Variants in CD99L2 observed in about 807,000 individuals in gnomAD.
CD99L2 encodes the protein CD99 antigen-like protein 2.
CD99L2 carries 24 observed loss-of-function variants against 27.3 expected under a neutral mutation model. The ratio of observed to expected loss-of-function variants is 0.88; its 90% CI spans 0.64 to 1.24. The LOEUF (loss-of-function observed/expected upper bound fraction) is 1.24. Among genes scored for constraint, CD99L2 ranks in the 50% most tolerant of loss-of-function variants. CD99L2 has a pLI of 0.00. For missense variants in CD99L2, 255 were observed against 221.6 expected (o/e 1.15, Z -0.96); for synonymous variants, 97 against 87.9 (o/e 1.10, Z -0.58).
chrX:150,778,470 G>T (rs1228591389), intron 7 of CD99L2, among the ~76,000 whole-genome samples: 1 of 101,267 alleles, frequency 9.9e-6, no homozygotes, highest in African/African-American at 3.6e-5. Context: ...AGGGTGGGGG[G>T]GTATTGATAG....
intron 4 of CD99L2, among the ~76,000 whole-genome samples, chrX:150,809,504 G>A (rs1557420324): frequency 8.9e-6 from 1 of 112,273 alleles, no homozygotes; most frequent in African/African-American, 3.2e-5. Flanking sequence ...TTTTATTAGA[G>A]CTCAACCATG....
In CD99L2 at chrX:150,768,254, A is replaced by G. The variant is rs989669749; in HGVS notation, c.*780T>C. 1 of 111,954 alleles carries G rather than the reference A, an allele frequency of 8.9e-6. No individual in the cohort carries two copies. The highest frequency in any genetic ancestry group is 9.4e-5 in the Admixed American group (1 of 10,624). 9.2% of individuals were successfully genotyped at this position (111,954 alleles called of 1,213,427 possible). ...ATCTCCGGTGCAGAAATGATTGCTA[A>G]AGACCTTTCTCATGTCAACCCGAAG... On this transcript the variant is annotated 3_prime_UTR_variant, in exon 11 of 11. Transcript: ENST00000370377.
At chrX:150,826,303 C>T (rs943685736) in intron 2 of CD99L2, among the ~76,000 whole-genome samples, 5 of 111,527 alleles carry the variant, frequency 4.5e-5, no homozygotes, top group Non-Finnish European at 9.4e-5. Context: ...TAATACAGGG[C>T]CCATGGTATT....
At chrX:150,820,461 A>G (rs1409505505) in intron 2 of CD99L2, among the ~76,000 whole-genome samples, 1 of 111,840 alleles carries the variant, frequency 8.9e-6, no homozygotes, top group African/African-American at 3.2e-5. Context: ...TTTTAAAAGC[A>G]TTTAGATGGT....
chrX:150,864,216 C>T (rs1569566108), intron 1 of CD99L2, among the ~76,000 whole-genome samples: 1 of 111,941 alleles, frequency 8.9e-6, no homozygotes, highest in East Asian at 2.8e-4. Flanking sequence ...GGAGGAAGAA[C>T]ACAGCTTGGG....
At chrX:150,787,905 T>C (rs1262047964) in intron 7 of CD99L2, among the ~76,000 whole-genome samples, 3 of 71,604 alleles carry the variant, frequency 4.2e-5, no homozygotes, top group Admixed American at 4.2e-4. Flanking sequence ...TATATATATA[T>C]ATATATATAT....
chrX:150,769,639 ACT>A lies in CD99L2; in HGVS notation c.722-540_722-539del, dbSNP rs1569565815. ...CCCACGGCTGCTGCACTGTAGTTCC[ACT>A]GGCAACACTCGCCTGAGCTGTCCTA... is the stretch of plus-strand genomic sequence containing the variant. On this transcript the variant is annotated intron_variant, in intron 10 of 10. Coordinates refer to ENST00000370377, the MANE Select transcript of CD99L2 (RefSeq NM_031462.4). Among the ~76,000 whole-genome samples the A allele has an allele frequency of 4.9e-3, 540 of 109,325 alleles. 1 individual carries two copies. Among genetic ancestry groups the A allele is most frequent in the African/African-American group, 0.017 (511 of 30,428 alleles). 94.9% of individuals were successfully genotyped at this position (109,325 alleles called of 115,157 possible).
At chrX:150,770,468 G>T in intron 9 of CD99L2, 99 bp from the exon 10 acceptor site, 1 of 743,197 alleles carries the variant, frequency 1.3e-6, no homozygotes, top group Non-Finnish European at 2.1e-6. Context: ...AGCTAAAAAA[G>T]CAGCACAGCT....
chrX:150,829,384 C>T (rs1557421002), intron 2 of CD99L2: 5 of 327,977 alleles, frequency 1.5e-5, no homozygotes, highest in South Asian at 1.0e-4. Context: ...GGGAACACCA[C>T]GTGACAACAG....
chrX:150,847,186 T>C (rs782392698), intron 1 of CD99L2, among the ~76,000 whole-genome samples: 5 of 112,524 alleles, frequency 4.4e-5, no homozygotes, highest in Non-Finnish European at 9.4e-5. Flanking sequence ...ATGTCCTGAA[T>C]TGGACTCTGT....
intron 3 of CD99L2, 167 bp from the exon 4 acceptor site, chrX:150,815,103 G>T: frequency 6.6e-6 from 1 of 151,163 alleles, no homozygotes; most frequent in Non-Finnish European, 1.1e-5. Flanking sequence ...CATTGATAAT[G>T]AAAATATCTG....
intron 4 of CD99L2, among the ~76,000 whole-genome samples, chrX:150,805,935 G>A (rs1294063868): frequency 9.0e-6 from 1 of 111,508 alleles, no homozygotes; most frequent in African/African-American, 3.3e-5. Flanking sequence ...GGCAACAAGA[G>A]GGATCTTTGT....
chrX:150,819,971 C>G (rs1045476544), intron 2 of CD99L2, among the ~76,000 whole-genome samples: 4 of 111,610 alleles, frequency 3.6e-5, no homozygotes, highest in Middle Eastern at 4.6e-3. Flanking sequence ...AGTAAATAAA[C>G]AAACAAACCA....
chrX:150,862,701 C>T (rs1434171845), intron 1 of CD99L2, among the ~76,000 whole-genome samples: 1 of 111,343 alleles, frequency 9.0e-6, no homozygotes, highest in Non-Finnish European at 1.9e-5. Flanking sequence ...TTGCTGAGCT[C>T]TACTATATGC....
At chrX:150,796,289 G>T (rs2045795948) in intron 4 of CD99L2, among the ~76,000 whole-genome samples, 1 of 112,571 alleles carries the variant, frequency 8.9e-6, no homozygotes, top group South Asian at 3.7e-4. Context: ...TTTTTCGATA[G>T]ACCTTTGGTG....
At chrX:150,792,074 G>T (rs1780330899) in intron 7 of CD99L2, among the ~76,000 whole-genome samples, 1 of 111,541 alleles carries the variant, frequency 9.0e-6, no homozygotes, top group Non-Finnish European at 1.9e-5. Flanking sequence ...GAATTCCATG[G>T]TGTGCTTATC....
chrX:150,826,790 T>C (rs1221773969), intron 2 of CD99L2, among the ~76,000 whole-genome samples: 2 of 111,996 alleles, frequency 1.8e-5, no homozygotes, highest in Non-Finnish European at 3.8e-5. Flanking sequence ...CCACACAGGC[T>C]GCCTTCCGGG....
At chrX:150,788,419 A>G (rs188554723) in intron 7 of CD99L2, among the ~76,000 whole-genome samples, 251 of 111,698 alleles carry the variant, frequency 2.2e-3, no homozygotes, top group Non-Finnish European at 3.9e-3. Flanking sequence ...CAAGGAGGAC[A>G]AGCTGGAGCA....
chrX:150,771,186 C>T (rs782270497), intron 9 of CD99L2, among the ~76,000 whole-genome samples: 28 of 112,200 alleles, frequency 2.5e-4, no homozygotes, highest in Admixed American at 2.3e-3. Context: ...TCCAACCGAC[C>T]GACCGACCGA....
Sources: gnomAD v4.1 joint callset for allele counts (sites outside exome capture counted in the v4.1 genomes callset) on GRCh38, gnomAD v4.1.1 for gene constraint, MANE v1.5 for transcripts, NCBI Gene and HGNC (gene_info 2026-07-23, HGNC 2026-07-21) for gene names.